The following ESR1 variants were observed in gnomAD, a reference collection of about 807,000 sequenced individuals.
ESR1 encodes estrogen receptor 1, also known as estrogen receptor.
In ESR1, 12 loss-of-function variants were observed where a neutral mutation model predicts 52.7. The ratio of observed to expected loss-of-function variants is 0.23; its 90% CI spans 0.15 to 0.37. The LOEUF (loss-of-function observed/expected upper bound fraction) is 0.37. ESR1 is among the 10% of genes least tolerant of loss of function. The pLI, the probability that ESR1 is intolerant of heterozygous loss-of-function variation, is 1.00. For missense variants in ESR1, 584 were observed against 779.7 expected, an observed-to-expected ratio of 0.75 and a Z score of 2.99; for synonymous variants, 305 against 316.8, an observed-to-expected ratio of 0.96 and a Z score of 0.39.
intron 5 of ESR1, among the ~76,000 whole-genome samples, chr6:152,050,684 T>C (rs1444272087): frequency 2.0e-5 from 3 of 152,232 alleles, no homozygotes; most frequent in Non-Finnish European, 4.4e-5. Context: ...AGGCTGGGCA[T>C]GAGAGAGACA....
At position 152,124,098 on chromosome 6, in the gene ESR1, C is replaced by T. The variant is rs530131313; in HGVS notation, c.851-1168C>T. On this transcript the variant is annotated intron_variant, in intron 6 of 6. Coordinates refer to the ESR1 transcript ENST00000427531. ...CAGCGCTTTGGGAGGCTGAGGTTGG[C>T]GGATCACTTGAGGCCAGGAGTTCAA... 3.8e-3 allele frequency among the ~76,000 whole-genome samples: 580 copies of T among 152,190 alleles called. 2 individuals are homozygous for T. The highest frequency in any genetic ancestry group is 0.013 in the African/African-American group (541 of 41,528).
intron 3 of ESR1, among the ~76,000 whole-genome samples, chr6:151,908,487 T>C (rs376379982): frequency 1.4e-4 from 21 of 152,202 alleles, no homozygotes; most frequent in African/African-American, 4.3e-4. Flanking sequence ...GGTGTTAATA[T>C]GCCTGTTGGT....
intron 6 of ESR1, among the ~76,000 whole-genome samples, chr6:152,082,118 C>T (rs12175682): frequency 0.11 from 17,211 of 152,164 alleles, 1,221 homozygotes; most frequent in East Asian, 0.33. Context: ...TTTATGAGGC[C>T]AGCATCATCC....
chr6:151,738,840 A>C (rs1239837670), intron 2 of ESR1, among the ~76,000 whole-genome samples: 1 of 152,170 alleles, frequency 6.6e-6, no homozygotes, highest in Non-Finnish European at 1.5e-5. Context: ...AGTTGATTAA[A>C]ATGAAATGAC....
intron 1 of ESR1, among the ~76,000 whole-genome samples, chr6:151,660,140 C>G (rs966204570): frequency 5.9e-5 from 9 of 152,118 alleles, no homozygotes; most frequent in African/African-American, 2.2e-4. Flanking sequence ...TGAACAAATC[C>G]TTTCTATAGG....
At chr6:151,875,469 G>T (rs1791650407) in intron 2 of ESR1, among the ~76,000 whole-genome samples, 1 of 152,202 alleles carries the variant, frequency 6.6e-6, no homozygotes, top group Non-Finnish European at 1.5e-5. Flanking sequence ...GCTCCACTAT[G>T]TGTGTGAGAA....
At chr6:151,777,467 G>T (rs1410613077) in intron 2 of ESR1, among the ~76,000 whole-genome samples, 1 of 152,084 alleles carries the variant, frequency 6.6e-6, no homozygotes, top group Admixed American at 6.6e-5. Flanking sequence ...GGTTAGGGTT[G>T]AGGCAATGGA....
chr6:151,878,510 A>G (rs377058866), intron 2 of ESR1, among the ~76,000 whole-genome samples: 83 of 152,308 alleles, frequency 5.4e-4, no homozygotes, highest in South Asian at 1.7e-3. Context: ...TGAGGCCAGC[A>G]TTTCTTGTCA....
chr6:152,047,518 A>C (rs1346231642), intron 5 of ESR1, among the ~76,000 whole-genome samples: 5 of 152,092 alleles, frequency 3.3e-5, no homozygotes, highest in African/African-American at 1.2e-4. Flanking sequence ...TGTATGTTGC[A>C]TTTTGTTTTG....
chr6:151,671,516 T>G (rs1778058436), intron 1 of ESR1, among the ~76,000 whole-genome samples: 1 of 152,082 alleles, frequency 6.6e-6, no homozygotes, highest in African/African-American at 2.4e-5. Flanking sequence ...AATGGTGGGT[T>G]GCTGGGGAGG....
intron 2 of ESR1, among the ~76,000 whole-genome samples, chr6:151,710,903 G>A (rs1780553767): frequency 6.6e-6 from 1 of 152,126 alleles, no homozygotes. Flanking sequence ...TGGCTGCATA[G>A]TATTCCATGG....
intron 5 of ESR1, among the ~76,000 whole-genome samples, chr6:152,035,134 T>C (rs1034684049): frequency 6.6e-6 from 1 of 152,176 alleles, no homozygotes; most frequent in African/African-American, 2.4e-5. Context: ...TCAGACTTAA[T>C]ATATCCTATT....
At chr6:152,075,684 CA>C (rs1435404612) in intron 6 of ESR1, among the ~76,000 whole-genome samples, 1 of 152,170 alleles carries the variant, frequency 6.6e-6, no homozygotes, top group Non-Finnish European at 1.5e-5. Flanking sequence ...ATTTGCAAAC[CA>C]GAACCAAGAT....
chr6:151,709,440 A>G (rs1780420286), intron 2 of ESR1, among the ~76,000 whole-genome samples: 1 of 152,180 alleles, frequency 6.6e-6, no homozygotes, highest in Non-Finnish European at 1.5e-5. Context: ...GCTGTAATAA[A>G]CATGGGAGTG....
chr6:151,868,195 T>G (rs1159789824), intron 2 of ESR1, among the ~76,000 whole-genome samples: 4 of 152,138 alleles, frequency 2.6e-5, no homozygotes, highest in Non-Finnish European at 5.9e-5. Flanking sequence ...TGGCTTGATC[T>G]CGGCTCAATG....
At chr6:152,069,747 G>T (rs1214025823) in intron 6 of ESR1, among the ~76,000 whole-genome samples, 2 of 136,858 alleles carry the variant, frequency 1.5e-5, no homozygotes, top group Non-Finnish European at 3.0e-5. Flanking sequence ...TGATCTGACA[G>T]GTGGCAGAGC....
At chr6:152,083,731 A>G (rs1384407789) in intron 6 of ESR1, among the ~76,000 whole-genome samples, 1 of 152,208 alleles carries the variant, frequency 6.6e-6, no homozygotes, top group Non-Finnish European at 1.5e-5. Context: ...ATATCTTTGT[A>G]GAATCTGCAA....
chr6:152,118,407 T>C (rs1341559749), intron 6 of ESR1: 2 of 152,232 alleles, frequency 1.3e-5, no homozygotes, highest in South Asian at 2.1e-4. Context: ...GAATACACCA[T>C]GGAATACTAT....
intron 3 of ESR1, among the ~76,000 whole-genome samples, chr6:151,893,203 G>C (rs2128373581): frequency 6.6e-6 from 1 of 152,244 alleles, no homozygotes; most frequent in Non-Finnish European, 1.5e-5. Flanking sequence ...AAAAAAATTA[G>C]CCAGGCATGG....
Sources: allele counts gnomAD v4.1 joint callset (sites outside exome capture counted in the v4.1 genomes callset), GRCh38; gene constraint gnomAD v4.1.1; transcripts MANE v1.5; gene names NCBI Gene and HGNC (gene_info 2026-07-23, HGNC 2026-07-21).